The following UNC13C variants were observed in gnomAD, a reference collection of about 807,000 sequenced individuals.
The protein encoded by UNC13C is protein unc-13 homolog C.
In UNC13C, 174 loss-of-function variants were observed where a neutral mutation model predicts 245.4. The observed-to-expected ratio is 0.71, with a 90% CI of 0.63 to 0.80. The LOEUF is 0.80. UNC13C is among the 30% of genes least tolerant of loss of function. UNC13C has a pLI of 0.00. For synonymous variants in UNC13C, 992 were observed against 895.1 expected, an observed-to-expected ratio of 1.11 and a Z score of -1.93; for missense variants, 2,829 against 2,602.9, an observed-to-expected ratio of 1.09 and a Z score of -1.89.
chr15:54,310,740 ATATATCTATATCTATATCTATATC>A (rs57312410), intron 13 of UNC13C, among the ~76,000 whole-genome samples: 2 of 117,410 alleles, frequency 1.7e-5, no homozygotes, highest in Middle Eastern at 4.1e-3. Context: ...GCCTCATTTT[ATATATCTATATCTATATCTATATC>A]TATATCTATA....
At chr15:54,380,472 C>A (rs958631323) in intron 17 of UNC13C, among the ~76,000 whole-genome samples, 3 of 152,066 alleles carry the variant, frequency 2.0e-5, no homozygotes, top group Admixed American at 6.6e-5. Flanking sequence ...GATTTAATAT[C>A]TTTTGGATAT....
intron 5 of UNC13C, among the ~76,000 whole-genome samples, chr15:54,236,153 G>A (rs2035693687): frequency 6.6e-6 from 1 of 151,924 alleles, no homozygotes; most frequent in East Asian, 1.9e-4. Flanking sequence ...TTTTCTTTCA[G>A]CAACAACGTA....
chr15:53,870,383 G>A, the UNC13C span, among the ~76,000 whole-genome samples: 5 of 151,900 alleles, frequency 3.3e-5, no homozygotes, highest in African/African-American at 1.2e-4. Flanking sequence ...GTACTAAAAG[G>A]CACAACTGCA....
chr15:54,161,527 A>G (rs1352565946), intron 4 of UNC13C, among the ~76,000 whole-genome samples: 1 of 152,160 alleles, frequency 6.6e-6, no homozygotes, highest in Non-Finnish European at 1.5e-5. Flanking sequence ...AACAACTGCC[A>G]GAATTTCTCT....
Position 54,398,444 on chromosome 15 carries a change from C to A in UNC13C, c.4847+5263C>A, listed in dbSNP as rs2040115789. On this transcript the variant is annotated intron_variant, in intron 18 of 32. Coordinates refer to ENST00000260323, the MANE Select transcript of UNC13C (RefSeq NM_001080534.3). ...TAGTGCCTTTTTCTGTCTTTTATAT[C>A]AATGTAATGATGGTTTTATAGAAAG... 2.0e-5 allele frequency among the ~76,000 whole-genome samples: 3 copies of A among 150,988 alleles called. 1 individual carries two copies. In the South Asian group the frequency reaches 6.2e-4, roughly 31 times the overall value.
At chr15:53,953,557 C>T in the UNC13C span, among the ~76,000 whole-genome samples, 3 of 152,286 alleles carry the variant, frequency 2.0e-5, no homozygotes, top group East Asian at 5.8e-4. Flanking sequence ...AAGCTTGAAC[C>T]AGTTTGCTGT....
chr15:54,508,111 A>G (rs1894565166), intron 23 of UNC13C, among the ~76,000 whole-genome samples: 2 of 151,996 alleles, frequency 1.3e-5, no homozygotes, highest in Admixed American at 1.3e-4. Context: ...TTTTATTAGA[A>G]CTTTTTGACA....
At chr15:53,885,345 A>G in the UNC13C span, among the ~76,000 whole-genome samples, 790 of 152,324 alleles carry the variant, frequency 5.2e-3, 4 homozygotes, top group Non-Finnish European at 7.9e-3. Context: ...CATTAAATCT[A>G]GACAGGCCAC....
At chr15:54,022,419 T>C (rs1034042381) in intron 2 of UNC13C, among the ~76,000 whole-genome samples, 3 of 152,100 alleles carry the variant, frequency 2.0e-5, no homozygotes, top group Non-Finnish European at 2.9e-5. Flanking sequence ...GAGATTCTCC[T>C]GCCTCAGCTT....
intron 4 of UNC13C, among the ~76,000 whole-genome samples, chr15:54,172,610 C>T (rs2033441778): frequency 6.7e-6 from 1 of 149,082 alleles, no homozygotes; most frequent in Non-Finnish European, 1.5e-5. Flanking sequence ...TATTATTTTT[C>T]ATAAAGCTTC....
At chr15:54,056,203 A>G (rs1897512897) in intron 2 of UNC13C, among the ~76,000 whole-genome samples, 1 of 152,130 alleles carries the variant, frequency 6.6e-6, no homozygotes, top group South Asian at 2.1e-4. Flanking sequence ...AAGAAGTTAA[A>G]AACTTTGAAA....
intron 10 of UNC13C, among the ~76,000 whole-genome samples, chr15:54,285,063 T>C (rs1468180041): frequency 6.6e-6 from 1 of 152,208 alleles, no homozygotes; most frequent in Non-Finnish European, 1.5e-5. Flanking sequence ...AAAACATAAG[T>C]GCTTTCTTCA....
intron 30 of UNC13C, among the ~76,000 whole-genome samples, chr15:54,588,895 T>G (rs1253423378): frequency 6.6e-6 from 1 of 152,242 alleles, no homozygotes; most frequent in African/African-American, 2.4e-5. Flanking sequence ...TGATGGGCAT[T>G]TGGGTTGGTT....
At chr15:54,080,022 ATC>A (rs1898857601) in intron 2 of UNC13C, among the ~76,000 whole-genome samples, 1 of 56,544 alleles carries the variant, frequency 1.8e-5, no homozygotes, top group Non-Finnish European at 4.8e-5. Flanking sequence ...TTTTTTTTTT[ATC>A]ATAAAGTGAT....
chr15:54,403,806 A>T (rs1487602212), intron 18 of UNC13C, among the ~76,000 whole-genome samples: 2 of 151,102 alleles, frequency 1.3e-5, no homozygotes, highest in South Asian at 4.2e-4. Context: ...TAAATATCTG[A>T]GTTCATTAAA....
At chr15:53,993,343 A>C (rs577465466) in intron 1 of UNC13C, among the ~76,000 whole-genome samples, 1 of 152,196 alleles carries the variant, frequency 6.6e-6, no homozygotes, top group Admixed American at 6.5e-5. Flanking sequence ...TAGTCATTGG[A>C]TGTATAAAGC....
At chr15:54,287,784 A>G (rs4774691) in intron 10 of UNC13C, among the ~76,000 whole-genome samples, 86,572 of 151,938 alleles carry the variant, frequency 0.57, 26,716 homozygotes, top group African/African-American at 0.82. Flanking sequence ...GGTTTGAAAG[A>G]TTGTTGTATG....
At chr15:54,448,277 A>G (rs1183513881) in intron 19 of UNC13C, among the ~76,000 whole-genome samples, 1 of 152,156 alleles carries the variant, frequency 6.6e-6, no homozygotes, top group Admixed American at 6.6e-5. Flanking sequence ...AGTTCTGTAG[A>G]TGTCTAGTAG....
chr15:53,878,229 T>C, the UNC13C span, among the ~76,000 whole-genome samples: 4 of 152,198 alleles, frequency 2.6e-5, no homozygotes, highest in African/African-American at 9.6e-5. Context: ...AAACTCCATC[T>C]GTGATCACTA....
Sources: allele counts gnomAD v4.1 joint callset (sites outside exome capture counted in the v4.1 genomes callset), GRCh38; gene constraint gnomAD v4.1.1; transcripts MANE v1.5; gene names NCBI Gene and HGNC (gene_info 2026-07-23, HGNC 2026-07-21).